The following ANKZF1 variants were observed in gnomAD, a reference collection of about 807,000 sequenced individuals.
ANKZF1 encodes the protein tRNA endonuclease ANKZF1.
In ANKZF1, 84 loss-of-function variants were observed where a neutral mutation model predicts 86.0. That is an observed-to-expected ratio of 0.98 (90% CI 0.82 to 1.17). The LOEUF (loss-of-function observed/expected upper bound fraction) is 1.17. ANKZF1 is among the 50% of genes most tolerant of loss of function. The pLI is 0.00. For missense variants in ANKZF1, 893 were observed against 918.4 expected, an observed-to-expected ratio of 0.97 and a Z score of 0.36; for synonymous variants, 331 against 354.2, an observed-to-expected ratio of 0.93 and a Z score of 0.74.
chr2:219,234,092 T>C lies in ANKZF1; in HGVS notation c.1049-41T>C, dbSNP rs1318391430. 8.8e-6 allele frequency: 14 copies of C among 1,590,336 alleles called. No individual in the cohort carries two copies. In the Admixed American group the frequency reaches 1.3e-4, roughly 15 times the overall value. ...ATTGAGAGAAACCTGCGCTAGCTTC[T>C]CCTCAGCTAAGGTTGAGAAAGATCT... On this transcript the variant is annotated intron_variant, in intron 8 of 13. Transcript: ENST00000323348.
Position 219,233,379 on chromosome 2 carries a change from A to G in ANKZF1, c.765A>G (p.Pro255=), listed in dbSNP as rs1264979218. 6.2e-7 allele frequency: 1 copy of G among 1,614,238 alleles called. No individual in the cohort carries two copies. Among genetic ancestry groups the G allele is most frequent in the Admixed American group, 1.7e-5 (1 of 60,030 alleles). ...AQGLRDARGG[P]SHSAGANLRR... ...GGCTTCGGGATGCCCGAGGTGGGCC[A>G]TCACACTCTGCTGGAGCCAACCTGA... Residue 255 remains proline, a synonymous_variant, in exon 7 of 14, where the codon CCA becomes CCG. Transcript: ENST00000323348.
intron 5 of ANKZF1, 196 bp downstream of exon 5, chr2:219,232,879 C>T (rs1439242686): frequency 2.0e-5 from 17 of 832,166 alleles, no homozygotes; most frequent in Non-Finnish European, 3.7e-6. Context: ...AGTTTGGAAA[C>T]AAACCAATTT....
At position 219,235,267 on chromosome 2, in the gene ANKZF1, C is replaced by G. The variant is rs1559258201; in HGVS notation, c.1646C>G (p.Ser549Ter). Residue 549 changes from serine to a stop codon, truncating the protein, a stop_gained, in exon 10 of 14, where the codon TCA becomes TGA. Transcript: ENST00000323348. LOFTEE classifies it high-confidence loss of function. ...GCAGCAGCTGCAGCTGGAAGAGGCTCAGTGGTTCGTCTGCTGCTGGAAGCA... is the reference window on the plus strand; with the variant it reads ...GCAGCAGCTGCAGCTGGAAGAGGCTGAGTGGTTCGTCTGCTGCTGGAAGCA... ...LHAAAAAGRG[S>*]VVRLLLEAGA... is the part of the protein sequence containing the mutation. The G allele has an allele frequency of 2.5e-6, 4 of 1,612,096 alleles. No homozygotes were observed.
At chr2:219,230,459 C>G in intron 2 of ANKZF1, 54 bp downstream of exon 2, 1 of 1,541,108 alleles carries the variant, frequency 6.5e-7, no homozygotes, top group African/African-American at 1.4e-5. Flanking sequence ...AGCGTATTGC[C>G]CGTTCAGGGA....
chr2:219,234,175 C>A lies in ANKZF1; in HGVS notation c.1091C>A (p.Thr364Lys). 1 of 1,614,062 alleles carries A rather than the reference C, an allele frequency of 6.2e-7. No homozygotes were observed. Among genetic ancestry groups the A allele is most frequent in the Non-Finnish European group, 8.5e-7 (1 of 1,180,032 alleles). Residue 364 changes from threonine (T) to lysine (K), a missense_variant, in exon 9 of 14, where the codon ACA (threonine) becomes AAA (lysine). Coordinates refer to ENST00000323348, the MANE Select transcript of ANKZF1 (RefSeq NM_018089.3). ...GCAGTCAGACTGCACTCACCTCAGA[C>A]ACACTGGAAAACAGTAAGAGAGGAG... ...REAVRLHSPQ[T>K]HWKTVREERK...
rs758189854 is a variant in ANKZF1, at chr2:219,236,018, G to T, written c.1980G>T (p.Leu660=). ...AALSDREKRA[L]AAERRLAAQL... ...CAACTTGTCTCCCTCAGAGAGCTCT[G>T]GCTGCAGAGCGCCGACTCGCTGCCC... Residue 660 remains leucine, a synonymous_variant, in exon 13 of 14, where the codon CTG becomes CTT. Transcript: ENST00000323348. 3 of 1,614,086 alleles carry T rather than the reference G, an allele frequency of 1.9e-6. No individual in the cohort carries two copies. In the African/African-American group the frequency reaches 4.0e-5, roughly 22 times the overall value.
rs1478933211 is a variant in ANKZF1 at position 219,235,267 on chromosome 2, CAG to C, written c.1647_1648del (p.Val550GlyfsTer10). 5 of 1,611,978 alleles carry C rather than the reference CAG, an allele frequency of 3.1e-6. No individual in the cohort carries two copies. Among genetic ancestry groups the C allele is most frequent in the African/African-American group, 1.3e-5 (1 of 74,942 alleles). ...GCAGCAGCTGCAGCTGGAAGAGGCT[CAG>C]TGGTTCGTCTGCTGCTGGAAGCAGG... On this transcript the variant is annotated frameshift_variant, in exon 10 of 14. Transcript: ENST00000323348. LOFTEE classifies it high-confidence loss of function.
chr2:219,234,607 C>A, intron 9 of ANKZF1: 1 of 684,286 alleles, frequency 1.5e-6, no homozygotes, highest in Non-Finnish European at 2.4e-6. Flanking sequence ...TATTGTGCGG[C>A]ACCCTAAGGC....
chr2:219,232,112 G>A (rs1176973847), intron 3 of ANKZF1, 72 bp downstream of exon 3: 1 of 1,452,856 alleles, frequency 6.9e-7, no homozygotes, highest in African/African-American at 1.4e-5. Flanking sequence ...GTAGACATTT[G>A]ATTTGTCTTA....
chr2:219,234,044 G>T, intron 8 of ANKZF1, 89 bp from the exon 9 acceptor site: 1 of 1,546,882 alleles, frequency 6.5e-7, no homozygotes, highest in South Asian at 1.2e-5. Flanking sequence ...CTAAGCCTTG[G>T]ACTGCAGCCC....
intron 7 of ANKZF1, 117 bp from the exon 8 acceptor site, chr2:219,233,598 T>C: frequency 7.1e-7 from 1 of 1,405,220 alleles, no homozygotes; most frequent in Non-Finnish European, 9.7e-7. Context: ...TCCTCTATTC[T>C]TTCTCCGTGT....
At position 219,236,593 on chromosome 2, in the gene ANKZF1, A is replaced by G; in HGVS notation, c.*148A>G. On this transcript the variant is annotated 3_prime_UTR_variant, in exon 14 of 14. Transcript: ENST00000323348. The stretch of plus-strand genomic sequence containing the variant: ...GGAACTAGGGCAAAGACAGGGCTAG[A>G]GGTATGTGGAGCTGGTACTGTCTCT... 9.7e-7 allele frequency: 1 copy of G among 1,031,134 alleles called. No homozygotes were observed. The highest frequency in any genetic ancestry group is 1.4e-6 in the Non-Finnish European group (1 of 724,686). 63.9% of individuals were successfully genotyped at this position (1,031,134 alleles called of 1,614,324 possible).
Position 219,234,218 on chromosome 2 carries a change from G to A in ANKZF1, c.1134G>A (p.Glu378=). Residue 378 remains glutamate (E), a synonymous_variant, in exon 9 of 14, where the codon GAG becomes GAA. Transcript: ENST00000323348. ...GAGAGGAGAGAAAGAAGCCTACTGA[G>A]GAAGAAATAAGAAAGATCTGCAGGG... is the stretch of plus-strand genomic sequence containing the variant. ...TVREERKKPT[E]EEIRKICRDE... The A allele has an allele frequency of 6.2e-7, 1 of 1,614,104 alleles. No individual in the cohort carries two copies. The highest frequency in any genetic ancestry group is 2.2e-5 in the East Asian group (1 of 44,884).
At chr2:219,232,719 C>A (rs534856213) in intron 5 of ANKZF1, 36 bp downstream of exon 5, 6 of 1,589,916 alleles carry the variant, frequency 3.8e-6, no homozygotes, top group Non-Finnish European at 5.1e-6. Context: ...CTAACCCCAG[C>A]CTTTTGTACA....
At chr2:219,234,310 T>C (rs1951139259) in intron 9 of ANKZF1, 22 bp downstream of exon 9, 1 of 1,613,698 alleles carries the variant, frequency 6.2e-7, no homozygotes, top group Non-Finnish European at 8.5e-7. Flanking sequence ...ATCTGGCAAC[T>C]GTCAGATCTG....
rs1212883415 is a variant in ANKZF1, at chr2:219,232,354, G to A, written c.356G>A (p.Ser119Asn). 1.2e-6 allele frequency: 2 copies of A among 1,614,078 alleles called. No homozygotes were observed. The highest frequency in any genetic ancestry group is 2.7e-5 in the African/African-American group (2 of 74,930). The change falls in exon 4 of 14, where the codon AGC (serine) becomes AAC (asparagine). Residue 119 changes from serine to asparagine, a missense_variant. By Grantham distance (46) the Ser-to-Asn change is conservative (BLOSUM62 1). Coordinates refer to ENST00000323348, the MANE Select transcript of ANKZF1 (RefSeq NM_018089.3). The stretch of plus-strand genomic sequence containing the variant: ...TCTGCCCTGGACTTTGAAAAGCAGA[G>A]CTCCACAGGTGATGAGTGGTAGGGG... Reference protein sequence around the residue: ...LLSALDFEKQSSTGDLSSISG... With the variant: ...LLSALDFEKQNSTGDLSSISG...
Position 219,232,334 on chromosome 2 carries a change from C to T in ANKZF1, c.336C>T (p.Ala112=). 1 of 1,614,220 alleles carries T rather than the reference C, an allele frequency of 6.2e-7. No homozygotes were observed. The highest frequency in any genetic ancestry group is 8.5e-7 in the Non-Finnish European group (1 of 1,180,046). ...QRLKDKPLLS[A]LDFEKQSSTG... The stretch of plus-strand genomic sequence containing the variant: ...TCAAGGACAAGCCTCTCCTGTCTGC[C>T]CTGGACTTTGAAAAGCAGAGCTCCA... The change falls in exon 4 of 14, where the codon GCC becomes GCT. Residue 112 remains alanine (A), a synonymous_variant. Transcript: ENST00000323348.
rs760125245 is a variant in ANKZF1, at chr2:219,233,306, A to C, written c.692A>C (p.Lys231Thr). 2.3e-5 allele frequency: 37 copies of C among 1,614,246 alleles called. No homozygotes were observed. The East Asian group carries it at 3.1e-4, about 14-fold the overall frequency. Residue 231 changes from lysine (K) to threonine (T), a missense_variant, in exon 7 of 14, where the codon AAA becomes ACA. By Grantham distance (78) the Lys-to-Thr change is moderately conservative. Coordinates refer to ENST00000323348, the MANE Select transcript of ANKZF1 (RefSeq NM_018089.3). ...TACAGAAGAGAAGTGGTGACACACAAAACTTTTCACCGCTATACGGTTCGG... is the reference window on the plus strand; with the variant it reads ...TACAGAAGAGAAGTGGTGACACACACAACTTTTCACCGCTATACGGTTCGG... The part of the protein sequence containing the change: ...IFQGREVVTH[K>T]TFHRYTVRAK...
chr2:219,236,048 G>A lies in ANKZF1; in HGVS notation c.2010G>A (p.Leu670=). 6.2e-7 allele frequency: 1 copy of A among 1,614,230 alleles called. No individual in the cohort carries two copies. Among genetic ancestry groups the A allele is most frequent in the Non-Finnish European group, 8.5e-7 (1 of 1,180,046 alleles). The part of the protein sequence containing the change: ...LAAERRLAAQ[L]GAPTSPIPDS... ...CAGAGCGCCGACTCGCTGCCCAGTT[G>A]GGAGCCCCTACCTCTCCAATCCCTG... Residue 670 remains leucine, a synonymous_variant, in exon 13 of 14, where the codon TTG becomes TTA. Transcript: ENST00000323348.
Sources: allele counts gnomAD v4.1 joint callset, GRCh38; gene constraint gnomAD v4.1.1; transcripts MANE v1.5; gene names NCBI Gene and HGNC (gene_info 2026-07-23, HGNC 2026-07-21).